Variants in IL1RAPL2 observed in about 807,000 individuals in gnomAD.
The protein encoded by IL1RAPL2 is interleukin 1 receptor accessory protein like 2, also known as X-linked interleukin-1 receptor accessory protein-like 2.
Under a neutral mutation model 44.1 loss-of-function variants are expected in IL1RAPL2, and 3 were observed. That is an observed-to-expected ratio of 0.07 (90% confidence interval 0.03 to 0.18). The LOEUF is 0.18. Ranked by LOEUF, IL1RAPL2 falls within the 10% of genes least tolerant of loss-of-function variation. The probability of loss-of-function intolerance (pLI) is 1.00; values close to 1 mark genes in which losing one functional copy is unlikely to be tolerated. For missense variants in IL1RAPL2, 391 were observed against 496.4 expected (o/e 0.79, Z 2.02); for synonymous variants, 181 against 178.8 (o/e 1.01, Z -0.10).
In IL1RAPL2 at chrX:104,897,891, A is replaced by C; in HGVS notation, c.82+238896A>C. ...GAGAACCTTTTGTAAAGTGAAGAAA[A>C]GTTTAAAGGCATTGAACACACAGGA... is the stretch of plus-strand genomic sequence containing the variant. On this transcript the variant is annotated intron_variant, in intron 2 of 10. Coordinates refer to ENST00000372582, the MANE Select transcript of IL1RAPL2 (RefSeq NM_017416.2). Among the ~76,000 whole-genome samples, 3 of 111,822 alleles carry C rather than the reference A, an allele frequency of 2.7e-5. No homozygotes were observed. In the South Asian group the frequency reaches 1.1e-3, roughly 42 times the overall value.
At chrX:105,484,449 T>C in intron 6 of IL1RAPL2, 62 bp downstream of exon 6, 1 of 768,615 alleles carries the variant, frequency 1.3e-6, no homozygotes, top group Non-Finnish European at 2.0e-6. Context: ...ATGGGGAAAA[T>C]TGCATGAACC....
intron 2 of IL1RAPL2, among the ~76,000 whole-genome samples, chrX:105,195,234 T>C (rs1240053968): frequency 9.3e-6 from 1 of 107,372 alleles, no homozygotes; most frequent in African/African-American, 3.4e-5. Context: ...AAGAATCTGG[T>C]CCACCCCAAG....
Position 104,585,336 on chromosome X carries a change from T to A in IL1RAPL2, c.-20+18285T>A, listed in dbSNP as rs867007426. 6.7e-3 allele frequency among the ~76,000 whole-genome samples: 118 copies of A among 17,610 alleles called. 2 individuals are homozygous for A. Among genetic ancestry groups the A allele is most frequent in the Admixed American group, 9.0e-3 (8 of 892 alleles). 15.3% of individuals were successfully genotyped at this position (17,610 alleles called of 115,157 possible). On this transcript the variant is annotated intron_variant, in intron 1 of 10. Transcript: ENST00000372582. The stretch of plus-strand genomic sequence containing the variant: ...TAATATATATTATATATAATATATA[T>A]TATATATTATATATATTATATATAT...
At chrX:105,184,372 A>G (rs1289511746) in intron 2 of IL1RAPL2, among the ~76,000 whole-genome samples, 1 of 110,294 alleles carries the variant, frequency 9.1e-6, no homozygotes, top group African/African-American at 3.3e-5. Context: ...TAATTAAACT[A>G]TTGCAGTTGA....
At chrX:104,609,346 T>C (rs1929093344) in intron 1 of IL1RAPL2, among the ~76,000 whole-genome samples, 1 of 111,716 alleles carries the variant, frequency 9.0e-6, no homozygotes, top group Non-Finnish European at 1.9e-5. Context: ...GTTGCTCTTC[T>C]TGAGGAGAAC....
intron 1 of IL1RAPL2, among the ~76,000 whole-genome samples, chrX:104,633,742 A>T: frequency 9.2e-6 from 1 of 109,195 alleles, no homozygotes. Flanking sequence ...TTTCTTCTTT[A>T]TTAGTCTTGC....
intron 5 of IL1RAPL2, among the ~76,000 whole-genome samples, chrX:105,376,208 C>T (rs2035386361): frequency 2.7e-5 from 3 of 111,907 alleles, no homozygotes; most frequent in Admixed American, 1.9e-4. Context: ...GCTAGTTGGT[C>T]CCAGTAAATT....
In IL1RAPL2 at chrX:105,351,037, G is replaced by C. The variant is rs186344026; in HGVS notation, c.697+83496G>C. Among the ~76,000 whole-genome samples the C allele has an allele frequency of 5.4e-5, 6 of 111,752 alleles. No individual in the cohort carries two copies. In the East Asian group the frequency reaches 1.7e-3, roughly 32 times the overall value. The stretch of plus-strand genomic sequence containing the variant: ...CATATGAAAAAAGCTCATCATCACT[G>C]GTCATTAGAGAAATGCAAATCAAAA... On this transcript the variant is annotated intron_variant, in intron 5 of 10. Coordinates refer to ENST00000372582, the MANE Select transcript of IL1RAPL2 (RefSeq NM_017416.2).
chrX:104,716,208 T>A, intron 2 of IL1RAPL2, among the ~76,000 whole-genome samples: 1 of 111,673 alleles, frequency 9.0e-6, no homozygotes, highest in East Asian at 2.8e-4. Context: ...TAAATGTTGC[T>A]GGGATAAATG....
At chrX:104,949,146 G>A (rs1295863078) in intron 2 of IL1RAPL2, among the ~76,000 whole-genome samples, 3 of 99,330 alleles carry the variant, frequency 3.0e-5, no homozygotes, top group Admixed American at 2.2e-4. Context: ...TTTAGTCTTG[G>A]GAGAGTGTAT....
chrX:105,481,590 C>T (rs779017617), intron 5 of IL1RAPL2, among the ~76,000 whole-genome samples: 1 of 112,202 alleles, frequency 8.9e-6, no homozygotes, highest in South Asian at 3.7e-4. Flanking sequence ...GAAATACATT[C>T]CTTACAATTG....
At chrX:105,041,756 C>T (rs963304468) in intron 2 of IL1RAPL2, among the ~76,000 whole-genome samples, 6 of 108,393 alleles carry the variant, frequency 5.5e-5, no homozygotes, top group African/African-American at 1.7e-4. Context: ...CAAAAAAGAG[C>T]CCGCATCGCC....
At chrX:105,151,288 A>C (rs1406667386) in intron 2 of IL1RAPL2, among the ~76,000 whole-genome samples, 3 of 111,188 alleles carry the variant, frequency 2.7e-5, no homozygotes, top group Non-Finnish European at 5.7e-5. Context: ...TTTTTAGTAA[A>C]ATTACTACCA....
intron 6 of IL1RAPL2, among the ~76,000 whole-genome samples, chrX:105,515,518 A>C (rs761906763): frequency 7.9e-4 from 88 of 111,182 alleles, no homozygotes; most frequent in Middle Eastern, 9.2e-3. Context: ...ACCTTAAAAA[A>C]AAAATTTACC....
chrX:105,607,338 G>A (rs781016131), intron 6 of IL1RAPL2, among the ~76,000 whole-genome samples: 6 of 109,134 alleles, frequency 5.5e-5, no homozygotes, highest in African/African-American at 9.9e-5. Context: ...TTAATGGTAC[G>A]TGGTATGGAT....
chrX:104,697,254 T>C (rs1931196809), intron 2 of IL1RAPL2, among the ~76,000 whole-genome samples: 1 of 112,526 alleles, frequency 8.9e-6, no homozygotes, highest in Non-Finnish European at 1.9e-5. Context: ...GAATGTTTCC[T>C]GAATTCAGGA....
At chrX:104,714,346 A>T (rs1244941930) in intron 2 of IL1RAPL2, among the ~76,000 whole-genome samples, 1 of 111,196 alleles carries the variant, frequency 9.0e-6, no homozygotes, top group Non-Finnish European at 1.9e-5. Flanking sequence ...AATTGTAATA[A>T]TTCCCACCTG....
intron 3 of IL1RAPL2, among the ~76,000 whole-genome samples, chrX:105,204,107 C>T (rs1556149079): frequency 9.0e-6 from 1 of 110,635 alleles, no homozygotes. Flanking sequence ...CAGGTTTTAT[C>T]TGTATCAAAG....
chrX:104,605,615 A>C (rs1928991581), intron 1 of IL1RAPL2, among the ~76,000 whole-genome samples: 1 of 112,014 alleles, frequency 8.9e-6, no homozygotes, highest in African/African-American at 3.2e-5. Context: ...AAATAGATGC[A>C]ATAAAGAGTG....
Sources: gnomAD v4.1 joint callset for allele counts (sites outside exome capture counted in the v4.1 genomes callset) on GRCh38, gnomAD v4.1.1 for gene constraint, MANE v1.5 for transcripts, NCBI Gene and HGNC (gene_info 2026-07-23, HGNC 2026-07-21) for gene names.